The following GRM1 variants were observed in gnomAD, a reference collection of about 807,000 sequenced individuals.
GRM1 encodes the protein metabotropic glutamate receptor 1.
Under a neutral mutation model 90.9 loss-of-function variants are expected in GRM1, and 33 were observed. That is an observed-to-expected ratio of 0.36 (90% CI 0.28 to 0.49). The LOEUF is 0.49. GRM1 is among the 20% of genes least tolerant of loss of function. The pLI is 0.99. For synonymous variants in GRM1, 700 were observed against 613.2 expected, an observed-to-expected ratio of 1.14 and a Z score of -2.09; for missense variants, 1,190 against 1,534.3, an observed-to-expected ratio of 0.78 and a Z score of 3.75.
chr6:146,207,433 G>A (rs1779533368), intron 2 of GRM1, among the ~76,000 whole-genome samples: 1 of 152,062 alleles, frequency 6.6e-6, no homozygotes, highest in African/African-American at 2.4e-5. Context: ...TTTTTTAACG[G>A]GGTTGTTTGT....
chr6:146,195,744 C>T (rs2114597541), intron 2 of GRM1, among the ~76,000 whole-genome samples: 1 of 152,264 alleles, frequency 6.6e-6, no homozygotes, highest in Non-Finnish European at 1.5e-5. Context: ...GGAAGATGCA[C>T]AGCAAGATAA....
intron 2 of GRM1, among the ~76,000 whole-genome samples, chr6:146,199,793 A>G (rs28368752): frequency 0.22 from 33,443 of 152,000 alleles, 7,619 homozygotes; most frequent in African/African-American, 0.58. Flanking sequence ...CAAGGAAGGC[A>G]AATCACCTGA....
At chr6:146,184,164 G>A (rs1021315105) in intron 2 of GRM1, among the ~76,000 whole-genome samples, 1 of 152,102 alleles carries the variant, frequency 6.6e-6, no homozygotes, top group Non-Finnish European at 1.5e-5. Flanking sequence ...GTCCAGCCTG[G>A]GCACTTGGTT....
chr6:146,403,451 G>T (rs1051701251), intron 7 of GRM1, among the ~76,000 whole-genome samples: 1 of 152,080 alleles, frequency 6.6e-6, no homozygotes, highest in African/African-American at 2.4e-5. Context: ...ACACAAGGAA[G>T]TAATTTTAAA....
At chr6:146,358,679 G>T (rs750730573) in intron 5 of GRM1, among the ~76,000 whole-genome samples, 1 of 152,146 alleles carries the variant, frequency 6.6e-6, no homozygotes, top group African/African-American at 2.4e-5. Context: ...GGTCCCCAGG[G>T]CAAGAATCCA....
rs1206655821 is a variant in GRM1 at position 146,029,259 on chromosome 6, A to C, written c.-259A>C. 3.7e-6 allele frequency: 2 copies of C among 542,280 alleles called. No homozygotes were observed. Among genetic ancestry groups the C allele is most frequent in the Non-Finnish European group, 6.6e-6 (2 of 300,890 alleles). The allele number at this position is 542,280 out of a possible 1,614,324, so 33.6% of individuals were successfully genotyped here. On this transcript the variant is annotated 5_prime_UTR_variant, in exon 1 of 8. Transcript: ENST00000282753. Reference sequence around the variant, plus strand: ...ACTCTTGATCAATTTACCTTGATGCACTACCGGTGAAGAACGGGGACTCGA... The same window carrying C: ...ACTCTTGATCAATTTACCTTGATGCCCTACCGGTGAAGAACGGGGACTCGA...
intron 2 of GRM1, among the ~76,000 whole-genome samples, chr6:146,205,280 T>G (rs1186382610): frequency 6.6e-6 from 1 of 152,214 alleles, no homozygotes; most frequent in Non-Finnish European, 1.5e-5. Flanking sequence ...CTGTTTAATA[T>G]TCTTTCATAG....
chr6:146,312,036 TACAGTA>T (rs138337920), intron 3 of GRM1, among the ~76,000 whole-genome samples: 1,729 of 152,268 alleles, frequency 0.011, 71 homozygotes, highest in East Asian at 0.079. Flanking sequence ...ATGCAATTGT[TACAGTA>T]ACTGTTAAGA....
intron 7 of GRM1, among the ~76,000 whole-genome samples, chr6:146,411,444 A>C (rs1304072099): frequency 6.6e-6 from 1 of 152,222 alleles, no homozygotes; most frequent in Non-Finnish European, 1.5e-5. Flanking sequence ...GGGCCAGATT[A>C]CTTAGAACTA....
chr6:146,076,895 C>T (rs540183493), intron 1 of GRM1, among the ~76,000 whole-genome samples: 2 of 152,000 alleles, frequency 1.3e-5, no homozygotes, highest in African/African-American at 2.4e-5. Flanking sequence ...CTGCGTATAC[C>T]CTCCGTGGGA....
intron 2 of GRM1, among the ~76,000 whole-genome samples, chr6:146,235,445 T>C (rs896012911): frequency 3.9e-5 from 6 of 152,144 alleles, no homozygotes; most frequent in Admixed American, 2.0e-4. Context: ...ATTTGTGACT[T>C]CATGGATAAA....
At chr6:146,372,112 C>T (rs895752464) in intron 5 of GRM1, among the ~76,000 whole-genome samples, 3 of 152,040 alleles carry the variant, frequency 2.0e-5, no homozygotes, top group Non-Finnish European at 2.9e-5. Context: ...TTCTCATCTT[C>T]GCCAGCATTT....
intron 2 of GRM1, among the ~76,000 whole-genome samples, chr6:146,259,033 T>TG (rs1781586679): frequency 6.6e-6 from 1 of 152,188 alleles, no homozygotes; most frequent in African/African-American, 2.4e-5. Flanking sequence ...CTCCTGGGGC[T>TG]GGCAAAGACT....
chr6:146,203,396 G>T (rs1201110467), intron 2 of GRM1, among the ~76,000 whole-genome samples: 2 of 152,016 alleles, frequency 1.3e-5, no homozygotes, highest in African/African-American at 4.8e-5. Flanking sequence ...GGGCATTAGA[G>T]TCCTCTGTTT....
intron 1 of GRM1, among the ~76,000 whole-genome samples, chr6:146,149,294 G>T (rs1470534034): frequency 6.6e-6 from 1 of 152,144 alleles, no homozygotes; most frequent in African/African-American, 2.4e-5. Flanking sequence ...GAAAGTCATG[G>T]ACACAAGGTG....
chr6:146,121,974 T>A (rs1475666558), intron 1 of GRM1, among the ~76,000 whole-genome samples: 1 of 152,182 alleles, frequency 6.6e-6, no homozygotes, highest in Non-Finnish European at 1.5e-5. Context: ...TGAGTTCAAT[T>A]CCTGGATATC....
intron 3 of GRM1, among the ~76,000 whole-genome samples, chr6:146,319,900 T>C (rs1475946482): frequency 6.6e-6 from 1 of 152,226 alleles, no homozygotes; most frequent in Non-Finnish European, 1.5e-5. Flanking sequence ...TACAATCATG[T>C]CATCTGCAAA....
At chr6:146,305,540 G>A (rs1783546816) in intron 3 of GRM1, among the ~76,000 whole-genome samples, 1 of 152,082 alleles carries the variant, frequency 6.6e-6, no homozygotes, top group Non-Finnish European at 1.5e-5. Flanking sequence ...GGACATTGCT[G>A]TCCCCTGTCC....
intron 2 of GRM1, among the ~76,000 whole-genome samples, chr6:146,296,643 C>T (rs763114871): frequency 3.3e-5 from 5 of 152,012 alleles, no homozygotes; most frequent in African/African-American, 4.8e-5. Flanking sequence ...TTTTGACTTC[C>T]GATGGCATTT....
Sources: allele counts gnomAD v4.1 joint callset (sites outside exome capture counted in the v4.1 genomes callset), GRCh38; gene constraint gnomAD v4.1.1; transcripts MANE v1.5; gene names NCBI Gene and HGNC (gene_info 2026-07-23, HGNC 2026-07-21).